The following TGM2 variants were observed in gnomAD, a reference collection of about 807,000 sequenced individuals.
The protein encoded by TGM2 is transglutaminase 2.
In TGM2, 53 loss-of-function variants were observed where a neutral mutation model predicts 75.6. That is an observed-to-expected ratio of 0.70 (90% CI 0.56 to 0.88). The LOEUF (loss-of-function observed/expected upper bound fraction) is 0.88. Among genes scored for constraint, TGM2 ranks in the 40% least tolerant of loss-of-function variants. The probability of loss-of-function intolerance (pLI) is 0.00; values close to 1 mark genes in which losing one functional copy is unlikely to be tolerated. For synonymous variants in TGM2, 374 were observed against 381.1 expected, an observed-to-expected ratio of 0.98 and a Z score of 0.22; for missense variants, 842 against 928.5, an observed-to-expected ratio of 0.91 and a Z score of 1.21.
intron 4 of TGM2, among the ~76,000 whole-genome samples, chr20:38,150,122 CAG>C (rs1401301039): frequency 6.6e-6 from 1 of 152,174 alleles, no homozygotes; most frequent in African/African-American, 2.4e-5. Context: ...GTTTTCCCAG[CAG>C]AGTCTCAAGA....
intron 4 of TGM2, among the ~76,000 whole-genome samples, chr20:38,150,500 C>G (rs990323558): frequency 3.3e-5 from 5 of 152,208 alleles, no homozygotes; most frequent in Non-Finnish European, 5.9e-5. Flanking sequence ...AGCAAATTCT[C>G]AACCCCTAGT....
chr20:38,161,785 A>G (rs1276582019), intron 1 of TGM2, among the ~76,000 whole-genome samples, 186 bp from the exon 2 acceptor site: 2 of 150,954 alleles, frequency 1.3e-5, no homozygotes, highest in South Asian at 2.1e-4. Flanking sequence ...AATCTCCCTA[A>G]CTCTTTTTTT....
At chr20:38,151,092 T>C in intron 3 of TGM2, 35 bp from the exon 4 acceptor site, 1 of 1,535,480 alleles carries the variant, frequency 6.5e-7, no homozygotes, top group African/African-American at 1.4e-5. Flanking sequence ...CAGCTCTGGG[T>C]CTGCGGAGGC....
chr20:38,161,748 TG>T, intron 1 of TGM2, 149 bp from the exon 2 acceptor site: 1 of 916,952 alleles, frequency 1.1e-6, no homozygotes, highest in Non-Finnish European at 1.7e-6. Context: ...TCCCCAGCCC[TG>T]GTCACACGGG....
At chr20:38,131,699 C>T (rs2122845885) in intron 11 of TGM2, among the ~76,000 whole-genome samples, 1 of 152,214 alleles carries the variant, frequency 6.6e-6, no homozygotes, top group South Asian at 2.1e-4. Context: ...CTGCCGCTCC[C>T]TCTGCTGTTT....
intron 8 of TGM2, among the ~76,000 whole-genome samples, chr20:38,140,745 AT>A (rs1234444698): frequency 1.3e-5 from 2 of 152,244 alleles, no homozygotes; most frequent in African/African-American, 4.8e-5. Context: ...TCATAAATTC[AT>A]TTTTTAAAAC....
chr20:38,149,452 C>T (rs1348369683), intron 4 of TGM2, among the ~76,000 whole-genome samples: 10 of 151,968 alleles, frequency 6.6e-5, no homozygotes, highest in South Asian at 2.1e-4. Context: ...CTGAGGCAGG[C>T]GGATCACGAG....
At chr20:38,138,613 G>A (rs1362964558) in intron 9 of TGM2, among the ~76,000 whole-genome samples, 1 of 152,120 alleles carries the variant, frequency 6.6e-6, no homozygotes, top group African/African-American at 2.4e-5. Flanking sequence ...CCTCCAGGAA[G>A]CCCTCTCTGA....
intron 6 of TGM2, among the ~76,000 whole-genome samples, chr20:38,144,899 A>AG (rs2122899065): frequency 1.3e-5 from 2 of 152,278 alleles, no homozygotes; most frequent in South Asian, 4.1e-4. Context: ...TGGGCAGCTG[A>AG]GGGGCAGGAT....
At chr20:38,167,649 T>G (rs1352547530), upstream of TGM2, among the ~76,000 whole-genome samples, 1 of 152,154 alleles carries the variant, frequency 6.6e-6, no homozygotes, top group Non-Finnish European at 1.5e-5. Context: ...CACGAGAGAT[T>G]TTTAAACTCT....
intron 6 of TGM2, 152 bp downstream of exon 6, chr20:38,146,564 CG>C (rs1568691883): frequency 1.2e-6 from 1 of 866,726 alleles, no homozygotes; most frequent in African/African-American, 1.7e-5. Context: ...GATAAAGGAC[CG>C]GAGAGGGTGG....
At position 38,157,561 on chromosome 20, in the gene TGM2, C is replaced by G. The variant is rs1365143326; in HGVS notation, c.191-1472G>C. Among the ~76,000 whole-genome samples the G allele has an allele frequency of 2.0e-5, 3 of 152,246 alleles. No individual in the cohort carries two copies. The South Asian group carries it at 6.2e-4, about 32-fold the overall frequency. On this transcript the variant is annotated intron_variant, in intron 2 of 12. Coordinates refer to ENST00000361475, the MANE Select transcript of TGM2 (RefSeq NM_004613.4). ...CAATCTCAGGTTCGAAACTGGCTCT[C>G]TGAACTTCGACAAGTTACTTAGCTT...
Position 38,138,204 on chromosome 20 carries a change from C to T in TGM2, c.1524G>A (p.Leu508=). ...NTAEEYVCRL[L]LCARTVSYNG... ...TGTAGCTGACGGTGCGGGCACAGAG[C>T]AGGAGGCGGCAGACGTACTCCTCAG... The change falls in exon 10 of 13, where the codon CTG becomes CTA. Residue 508 remains leucine (L), a synonymous_variant. Transcript: ENST00000361475. 1.2e-6 allele frequency: 2 copies of T among 1,609,514 alleles called. No homozygotes were observed. Among genetic ancestry groups the T allele is most frequent in the Non-Finnish European group, 1.7e-6 (2 of 1,178,044 alleles).
chr20:38,131,910 G>A (rs1463880053), intron 11 of TGM2, among the ~76,000 whole-genome samples: 1 of 151,980 alleles, frequency 6.6e-6, no homozygotes, highest in African/African-American at 2.4e-5. Flanking sequence ...TTAACCCCAT[G>A]TTACAGATGA....
chr20:38,155,708 C>A, intron 3 of TGM2, 139 bp downstream of exon 3: 1 of 1,343,720 alleles, frequency 7.4e-7, no homozygotes. Context: ...TTTTGTGAGG[C>A]TGGAGCACAG....
At chr20:38,150,208 T>A (rs45459096) in intron 4 of TGM2, among the ~76,000 whole-genome samples, 1 of 152,052 alleles carries the variant, frequency 6.6e-6, no homozygotes, top group African/African-American at 2.4e-5. Flanking sequence ...GCTGGCCCAC[T>A]GGGGAGTGAG....
At chr20:38,156,287 G>A (rs772081219) in intron 2 of TGM2, among the ~76,000 whole-genome samples, 198 bp from the exon 3 acceptor site, 2 of 152,252 alleles carry the variant, frequency 1.3e-5, no homozygotes, top group African/African-American at 4.8e-5. Context: ...GCCTTTTAGG[G>A]TGGTTTTGTG....
chr20:38,141,988 C>G, intron 7 of TGM2, 76 bp downstream of exon 7: 1 of 1,585,602 alleles, frequency 6.3e-7, no homozygotes, highest in Middle Eastern at 1.7e-4. Flanking sequence ...TGACCTCCTC[C>G]AAGAAGCCCT....
intron 1 of TGM2, among the ~76,000 whole-genome samples, chr20:38,162,569 G>A (rs550079131): frequency 2.6e-5 from 4 of 152,188 alleles, no homozygotes; most frequent in Non-Finnish European, 5.9e-5. Context: ...ACTTAAACCC[G>A]TTGTGATGTA....
Sources: allele counts gnomAD v4.1 joint callset (sites outside exome capture counted in the v4.1 genomes callset), GRCh38; gene constraint gnomAD v4.1.1; transcripts MANE v1.5; gene names NCBI Gene and HGNC (gene_info 2026-07-23, HGNC 2026-07-21).